Variants in CDYL observed in about 807,000 individuals in gnomAD.
CDYL encodes the protein chromodomain Y like, also known as chromodomain Y-like protein.
CDYL carries 8 observed loss-of-function variants against 47.3 expected under a neutral mutation model. The ratio of observed to expected loss-of-function variants is 0.17; its 90% CI spans 0.10 to 0.31. The LOEUF (loss-of-function observed/expected upper bound fraction) is 0.31. CDYL is among the 10% of genes least tolerant of loss of function. CDYL has a pLI of 1.00. For synonymous variants in CDYL, 266 were observed against 265.0 expected (o/e 1.00, Z -0.04); for missense variants, 471 against 701.4 (o/e 0.67, Z 3.71).
At chr6:4,778,040 A>G (rs914083710) in intron 1 of CDYL, among the ~76,000 whole-genome samples, 2 of 151,312 alleles carry the variant, frequency 1.3e-5, no homozygotes, top group African/African-American at 4.9e-5. Context: ...TCAGGATACT[A>G]TTTTAGGTCA....
intron 2 of CDYL, among the ~76,000 whole-genome samples, chr6:4,931,938 G>A (rs534820918): frequency 2.0e-5 from 3 of 152,352 alleles, no homozygotes; most frequent in South Asian, 4.1e-4. Context: ...AAATGCTGAA[G>A]CTGTTTCTGA....
intron 2 of CDYL, among the ~76,000 whole-genome samples, chr6:4,732,456 C>T (rs1472716449): frequency 6.6e-6 from 1 of 151,970 alleles, no homozygotes. Context: ...AAATTCAAGA[C>T]CAGCCTGAGC....
At chr6:4,873,121 A>G (rs778759726) in intron 1 of CDYL, among the ~76,000 whole-genome samples, 42 of 152,348 alleles carry the variant, frequency 2.8e-4, no homozygotes, top group Non-Finnish European at 5.4e-4. Context: ...TGATTTGTCA[A>G]GTACACAAAA....
chr6:4,860,554 ATAT>A lies in CDYL; in HGVS notation c.25-31152_25-31150del, dbSNP rs199829311. Among the ~76,000 whole-genome samples the A allele has an allele frequency of 3.1e-3, 453 of 147,752 alleles. 3 individuals carry two copies. The highest frequency in any genetic ancestry group is 4.8e-3 in the Non-Finnish European group (324 of 67,194). ...ATATTGTATATCATGTATATATTACATATTATTATATATATTTTGTATATTATG... is the reference window on the plus strand; with the variant it reads ...ATATTGTATATCATGTATATATTACATATTATATATATTTTGTATATTATG... On this transcript the variant is annotated intron_variant, in intron 1 of 6. Coordinates refer to ENST00000397588, the MANE Select transcript of CDYL (RefSeq NM_004824.4).
intron 2 of CDYL, among the ~76,000 whole-genome samples, chr6:4,922,576 C>A (rs1757748650): frequency 6.6e-6 from 1 of 152,210 alleles, no homozygotes. Context: ...CGGCGTAATC[C>A]AGGTGGTGCC....
intron 1 of CDYL, among the ~76,000 whole-genome samples, chr6:4,859,320 A>G (rs1039138271): frequency 4.6e-5 from 7 of 150,960 alleles, no homozygotes; most frequent in Non-Finnish European, 8.8e-5. Flanking sequence ...TTTTTTTTCC[A>G]GTAATGGTCA....
intron 1 of CDYL, among the ~76,000 whole-genome samples, chr6:4,855,235 A>G (rs1561671927): frequency 6.6e-6 from 1 of 152,210 alleles, no homozygotes; most frequent in African/African-American, 2.4e-5. Context: ...ATGAAAGATA[A>G]TTGACCCTTT....
intron 1 of CDYL, among the ~76,000 whole-genome samples, chr6:4,876,765 A>G (rs1761632175): frequency 6.6e-6 from 1 of 152,188 alleles, no homozygotes; most frequent in Non-Finnish European, 1.5e-5. Context: ...TTGGGATGAA[A>G]TGAATATATT....
At chr6:4,789,914 C>A (rs751970526) in intron 1 of CDYL, among the ~76,000 whole-genome samples, 1 of 152,158 alleles carries the variant, frequency 6.6e-6, no homozygotes, top group African/African-American at 2.4e-5. Flanking sequence ...TAAAACAAAT[C>A]GCCTTTCAGA....
chr6:4,755,053 T>C (rs932452658), intron 3 of CDYL, among the ~76,000 whole-genome samples: 7 of 151,828 alleles, frequency 4.6e-5, no homozygotes, highest in Non-Finnish European at 1.0e-4. Flanking sequence ...TTTTTTGTTT[T>C]TTGTTTTGTT....
At chr6:4,792,647 G>C (rs1053960588) in intron 1 of CDYL, among the ~76,000 whole-genome samples, 3 of 151,972 alleles carry the variant, frequency 2.0e-5, no homozygotes, top group Admixed American at 6.6e-5. Context: ...TGTTGGCCAG[G>C]CTGGTCTGGA....
intron 5 of CDYL, among the ~76,000 whole-genome samples, chr6:4,949,779 T>C (rs1170062739): frequency 3.9e-5 from 6 of 152,262 alleles, no homozygotes; most frequent in Admixed American, 3.9e-4. Flanking sequence ...TTTAATCCTA[T>C]AATACATATC....
At chr6:4,818,205 A>T (rs1275598462) in intron 1 of CDYL, among the ~76,000 whole-genome samples, 2 of 152,160 alleles carry the variant, frequency 1.3e-5, no homozygotes, top group Admixed American at 1.3e-4. Flanking sequence ...CAGTGAGTGG[A>T]GATTGTGCCA....
chr6:4,830,597 A>ATTT (rs1157305445), intron 1 of CDYL, among the ~76,000 whole-genome samples: 4,030 of 152,032 alleles, frequency 0.027, 180 homozygotes, highest in African/African-American at 0.091. Flanking sequence ...TATTTATTTT[A>ATTT]ATTTTTTATT....
intron 1 of CDYL, among the ~76,000 whole-genome samples, chr6:4,819,162 C>CTCTCTCTCTCTCTCTCTGTGTGTG (rs1016051589): frequency 8.9e-6 from 1 of 111,944 alleles, no homozygotes; most frequent in African/African-American, 4.8e-5. Context: ...CTCTCTCTCT[C>CTCTCTCTCTCTCTCTCTGTGTGTG]TGTGTGTGTG....
Position 4,776,662 on chromosome 6 carries a change from C to G in CDYL, c.-122C>G, listed in dbSNP as rs1015528605. On this transcript the variant is annotated 5_prime_UTR_variant, in exon 1 of 7. Transcript: ENST00000397588. ...AAGAGGCTCGTCCGTGCCCAGCGCCCGGCCGGCCGCGGGAGCAGGAAGCGC... is the reference window on the plus strand; with the variant it reads ...AAGAGGCTCGTCCGTGCCCAGCGCCGGGCCGGCCGCGGGAGCAGGAAGCGC... 65 of 883,450 alleles carry G rather than the reference C, an allele frequency of 7.4e-5. 1 individual carries two copies. The highest frequency in any genetic ancestry group is 4.4e-4 in the Middle Eastern group (1 of 2,260). The allele number at this position is 883,450 out of a possible 1,614,324, so 54.7% of individuals were successfully genotyped here.
rs949923224 is a variant in CDYL, at chr6:4,828,954, G to T, written c.24+52147G>T. Among the ~76,000 whole-genome samples, 4 of 152,138 alleles carry T rather than the reference G, an allele frequency of 2.6e-5. No homozygotes were observed. In the East Asian group the frequency reaches 7.7e-4, roughly 29 times the overall value. On this transcript the variant is annotated intron_variant, in intron 1 of 6. Coordinates refer to ENST00000397588, the MANE Select transcript of CDYL (RefSeq NM_004824.4). ...GTTTCAGCTCCAGAATGTTTGCTTG[G>T]TTCCTTTATAAAATGTGTTTCTTTA...
chr6:4,786,929 C>T (rs1282064763), intron 1 of CDYL, among the ~76,000 whole-genome samples: 6 of 152,192 alleles, frequency 3.9e-5, no homozygotes, highest in Non-Finnish European at 8.8e-5. Flanking sequence ...GGCTTCACTC[C>T]TCCTGTCCTG....
At chr6:4,713,353 G>C (rs1467374584) in intron 1 of CDYL, among the ~76,000 whole-genome samples, 4 of 152,036 alleles carry the variant, frequency 2.6e-5, no homozygotes, top group African/African-American at 9.7e-5. Context: ...AAGCTAGAAA[G>C]GTCCCCAAGA....
Sources: gnomAD v4.1 joint callset for allele counts (sites outside exome capture counted in the v4.1 genomes callset) on GRCh38, gnomAD v4.1.1 for gene constraint, MANE v1.5 for transcripts, NCBI Gene and HGNC (gene_info 2026-07-23, HGNC 2026-07-21) for gene names.